The following ERBB4 variants were observed in gnomAD, a reference collection of about 807,000 sequenced individuals.
ERBB4 encodes erb-b2 receptor tyrosine kinase 4.
A neutral mutation model predicts 158.0 loss-of-function variants in ERBB4; 42 were observed. The ratio of observed to expected loss-of-function variants is 0.27; its 90% CI spans 0.21 to 0.34. The LOEUF is 0.34. Among genes scored for constraint, ERBB4 ranks in the 10% least tolerant of loss-of-function variants. The probability of loss-of-function intolerance (pLI) is 1.00; values close to 1 mark genes in which losing one functional copy is unlikely to be tolerated. For missense variants in ERBB4, 1,333 were observed against 1,624.1 expected (o/e 0.82, Z 3.08); for synonymous variants, 583 against 558.7 (o/e 1.04, Z -0.61).
chr2:211,809,848 C>T (rs1404397377), intron 3 of ERBB4, among the ~76,000 whole-genome samples: 3 of 152,224 alleles, frequency 2.0e-5, no homozygotes, highest in Admixed American at 2.0e-4. Context: ...TTTTCCTCTA[C>T]ACACTGCTTT....
intron 2 of ERBB4, among the ~76,000 whole-genome samples, chr2:212,005,211 A>C (rs909546933): frequency 3.3e-5 from 5 of 152,130 alleles, no homozygotes; most frequent in African/African-American, 1.2e-4. Flanking sequence ...CCATTGAGTG[A>C]GAGTCACTCC....
intron 1 of ERBB4, among the ~76,000 whole-genome samples, chr2:212,265,517 C>T (rs886084536): frequency 2.0e-5 from 3 of 152,080 alleles, no homozygotes; most frequent in African/African-American, 7.2e-5. Flanking sequence ...TGGAGTCTAT[C>T]TCATTGGCTT....
At chr2:211,666,771 T>G (rs2071646377) in intron 14 of ERBB4, among the ~76,000 whole-genome samples, 2 of 152,162 alleles carry the variant, frequency 1.3e-5, no homozygotes, top group African/African-American at 4.8e-5. Flanking sequence ...CCTGACCCAT[T>G]TCTCCCTAAA....
chr2:212,197,133 C>A (rs1330238291), intron 1 of ERBB4, among the ~76,000 whole-genome samples: 1 of 152,058 alleles, frequency 6.6e-6, no homozygotes, highest in Non-Finnish European at 1.5e-5. Context: ...CTGTAGTGTC[C>A]CAGCTGACAT....
At chr2:212,138,824 A>G (rs1310991147) in intron 1 of ERBB4, among the ~76,000 whole-genome samples, 1 of 152,164 alleles carries the variant, frequency 6.6e-6, no homozygotes, top group East Asian at 1.9e-4. Flanking sequence ...CTGATTTTCA[A>G]TTAAGTCCCC....
intron 4 of ERBB4, among the ~76,000 whole-genome samples, chr2:211,785,499 A>G (rs1365696549): frequency 6.6e-6 from 1 of 152,128 alleles, no homozygotes; most frequent in Non-Finnish European, 1.5e-5. Context: ...TGCTCAACCT[A>G]GGGTCATAAA....
chr2:212,308,909 G>C (rs7355528), intron 1 of ERBB4, among the ~76,000 whole-genome samples: 1 of 150,980 alleles, frequency 6.6e-6, no homozygotes, highest in Non-Finnish European at 1.5e-5. Context: ...TATTTCCATA[G>C]GATTTGGGTC....
At chr2:212,461,916 G>C (rs1225990436) in intron 1 of ERBB4, among the ~76,000 whole-genome samples, 3 of 151,388 alleles carry the variant, frequency 2.0e-5, no homozygotes, top group Non-Finnish European at 3.0e-5. Flanking sequence ...TTTGCCTGCT[G>C]CCATCCATGT....
At chr2:212,312,098 A>T (rs990591965) in intron 1 of ERBB4, among the ~76,000 whole-genome samples, 3 of 151,018 alleles carry the variant, frequency 2.0e-5, no homozygotes, top group African/African-American at 7.3e-5. Context: ...CTGGATAGGC[A>T]TAGGGTCTTG....
intron 1 of ERBB4, among the ~76,000 whole-genome samples, chr2:212,243,296 A>G (rs1046039168): frequency 2.0e-5 from 3 of 152,154 alleles, no homozygotes; most frequent in African/African-American, 2.4e-5. Context: ...AGATGAAGCC[A>G]TTTATTTCAA....
chr2:212,442,261 C>T (rs539379656), intron 1 of ERBB4, among the ~76,000 whole-genome samples: 1 of 151,764 alleles, frequency 6.6e-6, no homozygotes, highest in South Asian at 2.1e-4. Flanking sequence ...ATTTGAATTA[C>T]AAAAAAAGGG....
chr2:211,729,534 G>C (rs921999344), intron 5 of ERBB4, among the ~76,000 whole-genome samples: 42 of 151,672 alleles, frequency 2.8e-4, no homozygotes, highest in Admixed American at 2.6e-3. Context: ...TATGAGACTT[G>C]TAACAAGAAA....
At chr2:211,674,045 T>G (rs1388200289) in intron 13 of ERBB4, among the ~76,000 whole-genome samples, 1 of 152,096 alleles carries the variant, frequency 6.6e-6, no homozygotes, top group Admixed American at 6.5e-5. Flanking sequence ...ACTTATGAAT[T>G]TTACAATCAA....
intron 1 of ERBB4, among the ~76,000 whole-genome samples, chr2:212,466,572 T>A (rs1391930650): frequency 6.6e-6 from 1 of 152,190 alleles, no homozygotes; most frequent in Admixed American, 6.5e-5. Flanking sequence ...AAGTAAGATA[T>A]GACTTGCTCC....
intron 1 of ERBB4, among the ~76,000 whole-genome samples, chr2:212,499,730 T>C (rs1047093805): frequency 2.0e-5 from 3 of 152,084 alleles, no homozygotes; most frequent in Admixed American, 6.6e-5. Context: ...GAGGAGAACA[T>C]AGAAATTTGG....
intron 2 of ERBB4, among the ~76,000 whole-genome samples, chr2:211,954,352 T>C (rs997680873): frequency 7.9e-5 from 12 of 152,070 alleles, no homozygotes; most frequent in Admixed American, 3.3e-4. Context: ...TTTTTCCTAC[T>C]AAAATTATTC....
intron 1 of ERBB4, among the ~76,000 whole-genome samples, chr2:212,388,160 C>A (rs2090740090): frequency 6.6e-6 from 1 of 151,958 alleles, no homozygotes; most frequent in African/African-American, 2.4e-5. Context: ...TCTGACTGTA[C>A]TAACTAGAGT....
intron 20 of ERBB4, among the ~76,000 whole-genome samples, chr2:211,462,167 T>C (rs186179099): frequency 2.4e-3 from 357 of 151,854 alleles, no homozygotes; most frequent in African/African-American, 8.3e-3. Flanking sequence ...GAAGGCAAAG[T>C]GGGAGCTGGC....
At chr2:211,778,111 AGAAGCCACGGCAGGATT>A (rs1033846447) in intron 4 of ERBB4, among the ~76,000 whole-genome samples, 1 of 152,210 alleles carries the variant, frequency 6.6e-6, no homozygotes, top group African/African-American at 2.4e-5. Flanking sequence ...AAAAGGCAGG[AGAAGCCACGGCAGGATT>A]GAAGCTGCTC....
Sources: allele counts gnomAD v4.1 joint callset (sites outside exome capture counted in the v4.1 genomes callset), GRCh38; gene constraint gnomAD v4.1.1; transcripts MANE v1.5; gene names NCBI Gene and HGNC (gene_info 2026-07-23, HGNC 2026-07-21).